CERS3: variants seen among roughly 807,000 people sequenced by gnomAD.
CERS3 encodes LAG1 homolog, ceramide synthase 3.
In CERS3, 33 loss-of-function variants were observed where a neutral mutation model predicts 50.3. That is an observed-to-expected ratio of 0.66 (90% CI 0.50 to 0.88). The LOEUF (loss-of-function observed/expected upper bound fraction) is 0.88. CERS3 is among the 40% of genes least tolerant of loss of function. The pLI, the probability that CERS3 is intolerant of heterozygous loss-of-function variation, is 0.00. For synonymous variants in CERS3, 176 were observed against 155.2 expected, an observed-to-expected ratio of 1.13 and a Z score of -0.99; for missense variants, 470 against 460.3, an observed-to-expected ratio of 1.02 and a Z score of -0.19.
chr15:100,453,638 C>T (rs1432892588), intron 11 of CERS3, among the ~76,000 whole-genome samples: 1 of 152,104 alleles, frequency 6.6e-6, no homozygotes. Flanking sequence ...TAGTACTGGA[C>T]ATTAAAGTCA....
At chr15:100,468,330 G>GT (rs2034851129) in intron 10 of CERS3, among the ~76,000 whole-genome samples, 1 of 152,136 alleles carries the variant, frequency 6.6e-6, no homozygotes, top group Admixed American at 6.6e-5. Flanking sequence ...CACAAAGGTC[G>GT]TAAGTGTGGA....
rs1567697375 is a variant in CERS3, at chr15:100,544,437, T to TCTCTCGGCCTTGACCTCCGCGGGGA, written c.-355+213_-355+214insTCCCCGCGGAGGTCAAGGCCGAGAG. On this transcript the variant is annotated intron_variant, in intron 1 of 12. Coordinates refer to the CERS3 transcript ENST00000284382. Reference sequence around the variant, plus strand: ...TCTCTCGGCCTTGACCTGCGCGGGGTCACGGGCCCTCTCTCGGCCTAGGTC... The same window carrying TCTCTCGGCCTTGACCTCCGCGGGGA: ...TCTCTCGGCCTTGACCTGCGCGGGGTCTCTCGGCCTTGACCTCCGCGGGGACACGGGCCCTCTCTCGGCCTAGGTC... 146 of 101,366 alleles carry TCTCTCGGCCTTGACCTCCGCGGGGA rather than the reference T, an allele frequency of 1.4e-3. 5 individuals carry two copies. The highest frequency in any genetic ancestry group is 8.0e-3 in the East Asian group (25 of 3,126). The allele number at this position is 101,366 out of a possible 1,614,324, so 6.3% of individuals were successfully genotyped here.
chr15:100,429,177 G>T (rs1284591444), intron 11 of CERS3, among the ~76,000 whole-genome samples: 1 of 152,190 alleles, frequency 6.6e-6, no homozygotes, highest in Non-Finnish European at 1.5e-5. Context: ...CAGTGTATCA[G>T]TGAGAAAACA....
At chr15:100,436,477 G>C (rs563963025) in intron 11 of CERS3, among the ~76,000 whole-genome samples, 3 of 152,184 alleles carry the variant, frequency 2.0e-5, no homozygotes, top group Middle Eastern at 3.4e-3. Flanking sequence ...TATCGGGGCT[G>C]GGGGGCAAGG....
At chr15:100,533,224 C>G (rs963824601), upstream of CERS3, among the ~76,000 whole-genome samples, 2 of 152,174 alleles carry the variant, frequency 1.3e-5, no homozygotes, top group African/African-American at 4.8e-5. Context: ...CCCTCTCCTG[C>G]TTCATTTTCC....
rs542428087 is a variant in CERS3, at chr15:100,471,965, C to CA, written c.738+958dup. Among the ~76,000 whole-genome samples the CA allele has an allele frequency of 3.1e-3, 467 of 152,156 alleles. 3 individuals are homozygous for CA. The highest frequency in any genetic ancestry group is 0.01 in the African/African-American group (432 of 41,502). ...AGAGGGTATTTGAAAAAGCAAAAAA[C>CA]AAAAAACACAGAAGAATATGTGACA... On this transcript the variant is annotated intron_variant, in intron 9 of 11. Coordinates refer to ENST00000679737, the MANE Select transcript of CERS3 (RefSeq NM_001378789.1).
intron 11 of CERS3, among the ~76,000 whole-genome samples, chr15:100,412,475 A>T (rs934357635): frequency 2.0e-5 from 3 of 152,182 alleles, no homozygotes; most frequent in Non-Finnish European, 4.4e-5. Flanking sequence ...AAGTTTGGAA[A>T]TCAGGAAGTT....
intron 2 of CERS3, among the ~76,000 whole-genome samples, chr15:100,521,114 T>A (rs946112596): frequency 6.6e-6 from 1 of 152,136 alleles, no homozygotes; most frequent in Non-Finnish European, 1.5e-5. Context: ...AGACTCAAAT[T>A]TAGGCATTAA....
At chr15:100,487,993 T>G (rs1021228124) in intron 4 of CERS3, among the ~76,000 whole-genome samples, 4 of 152,230 alleles carry the variant, frequency 2.6e-5, no homozygotes, top group African/African-American at 9.6e-5. Flanking sequence ...TTACTACACG[T>G]TACCTATAGC....
At chr15:100,437,749 G>C (rs1220912504) in intron 11 of CERS3, 3 of 152,074 alleles carry the variant, frequency 2.0e-5, no homozygotes, top group African/African-American at 7.2e-5. Context: ...TTCAATGCAG[G>C]CACTAATATC....
At chr15:100,477,468 A>C (rs1231684085) in intron 7 of CERS3, among the ~76,000 whole-genome samples, 1 of 152,168 alleles carries the variant, frequency 6.6e-6, no homozygotes, top group Non-Finnish European at 1.5e-5. Flanking sequence ...TGGATAAAGG[A>C]CAAGAAAGAA....
At chr15:100,496,233 A>G (rs2035810593) in intron 3 of CERS3, among the ~76,000 whole-genome samples, 1 of 152,222 alleles carries the variant, frequency 6.6e-6, no homozygotes, top group Non-Finnish European at 1.5e-5. Context: ...TTGTACTCAA[A>G]TTGTTCATAG....
intron 2 of CERS3, among the ~76,000 whole-genome samples, chr15:100,518,285 CAG>C (rs1399832415): frequency 6.6e-6 from 1 of 151,868 alleles, no homozygotes; most frequent in Non-Finnish European, 1.5e-5. Flanking sequence ...GAGAAAGAGA[CAG>C]AGAGAGACAC....
At chr15:100,465,092 C>A (rs1412044296) in intron 10 of CERS3, among the ~76,000 whole-genome samples, 2 of 152,246 alleles carry the variant, frequency 1.3e-5, no homozygotes, top group South Asian at 2.1e-4. Context: ...CAGATGGGCA[C>A]AACCCCAGTT....
rs71665897 is a variant in CERS3 at position 100,484,240 on chromosome 15, AT to A, written c.407+309del. On this transcript the variant is annotated intron_variant, in intron 5 of 11. Transcript: ENST00000679737. ...AAACACCAGTTAAGACATTTTTATGATTTTTTCTGGGTTTCAGGCTGAGTAC... is the reference window on the plus strand; with the variant it reads ...AAACACCAGTTAAGACATTTTTATGATTTTTCTGGGTTTCAGGCTGAGTAC... Among the ~76,000 whole-genome samples, 8,003 of 152,036 alleles carry A rather than the reference AT, an allele frequency of 0.053. 533 individuals are homozygous for A. The highest frequency in any genetic ancestry group is 0.15 in the African/African-American group (6,221 of 41,428).
At chr15:100,448,615 G>T (rs1464389483) in intron 11 of CERS3, among the ~76,000 whole-genome samples, 2 of 152,214 alleles carry the variant, frequency 1.3e-5, no homozygotes, top group Non-Finnish European at 2.9e-5. Context: ...CATTTTGAGA[G>T]CCTAGCCTCC....
chr15:100,537,480 A>G (rs981071444), intron 1 of CERS3, among the ~76,000 whole-genome samples: 1 of 152,232 alleles, frequency 6.6e-6, no homozygotes, highest in Admixed American at 6.5e-5. Flanking sequence ...ACAGTTCAGC[A>G]TGACTGGGGA....
At chr15:100,502,809 A>T (rs1478757669) in intron 2 of CERS3, among the ~76,000 whole-genome samples, 1 of 151,990 alleles carries the variant, frequency 6.6e-6, no homozygotes, top group African/African-American at 2.4e-5. Context: ...TTTTTTAGGT[A>T]TGCTAAAAAA....
In CERS3 at chr15:100,462,746, G is replaced by A. The variant is rs117857521; in HGVS notation, c.845+6632C>T. 2.9e-3 allele frequency among the ~76,000 whole-genome samples: 446 copies of A among 152,222 alleles called. 16 individuals are homozygous for A. In the East Asian group the frequency reaches 0.077, roughly 26 times the overall value. On this transcript the variant is annotated intron_variant, in intron 10 of 11. Transcript: ENST00000679737. ...GTCTAAATGTTTCAACAATGTCAGC[G>A]ACATGAAAGACAAAGAAGAGGTAAG...
Sources: allele counts gnomAD v4.1 joint callset (sites outside exome capture counted in the v4.1 genomes callset), GRCh38; gene constraint gnomAD v4.1.1; transcripts MANE v1.5; gene names NCBI Gene and HGNC (gene_info 2026-07-23, HGNC 2026-07-21).